The following UNC5CL variants were observed in gnomAD, a reference collection of about 807,000 sequenced individuals.
The protein encoded by UNC5CL is unc-5 family C-terminal like, also known as UNC5C-like protein.
UNC5CL carries 42 observed loss-of-function variants against 54.1 expected under a neutral mutation model. The ratio of observed to expected loss-of-function variants is 0.78; its 90% CI spans 0.61 to 1.00. UNC5CL has a LOEUF of 1.00. Ranked by LOEUF, UNC5CL falls within the 50% of genes least tolerant of loss-of-function variation. UNC5CL has a pLI of 0.00. For synonymous variants in UNC5CL, 285 were observed against 285.1 expected, an observed-to-expected ratio of 1.00 and a Z score of 0.00; for missense variants, 619 against 675.6, an observed-to-expected ratio of 0.92 and a Z score of 0.93.
rs1215195246 is a variant in UNC5CL, at chr6:41,034,017, A to C, written c.550T>G (p.Cys184Gly). ...LKPCTLTFKHCAEQPSHARTY... is the reference protein window; with the variant it reads ...LKPCTLTFKHGAEQPSHARTY... ...CGAGCATGGCTGGGCTGCTCGGCAC[A>C]GTGTTTGAACGTGAGAGTGCAAGGC... The change falls in exon 3 of 9, where the codon TGT (cysteine) becomes GGT (glycine). Residue 184 changes from cysteine to glycine, a missense_variant. Coordinates refer to ENST00000244565, the MANE Select transcript of UNC5CL (RefSeq NM_173561.3). The C allele has an allele frequency of 6.2e-7, 1 of 1,614,200 alleles. No homozygotes were observed. The highest frequency in any genetic ancestry group is 1.3e-5 in the African/African-American group (1 of 75,066).
chr6:41,034,988 T>C lies in UNC5CL; in HGVS notation c.87A>G (p.Gln29=), dbSNP rs752218992. The stretch of plus-strand genomic sequence containing the variant: ...TTCTAGGGCAGTGCCATCGAAGGCA[T>C]TGGGCCAGAAGGAGGACACTTGCCA... ...VPVASVLLLA[Q]CLRWHCPRRL... The change falls in exon 2 of 9, where the codon CAA becomes CAG. Residue 29 remains glutamine (Q), a synonymous_variant. Coordinates refer to ENST00000244565, the MANE Select transcript of UNC5CL (RefSeq NM_173561.3). 42 of 1,609,018 alleles carry C rather than the reference T, an allele frequency of 2.6e-5. No individual in the cohort carries two copies. The highest frequency in any genetic ancestry group is 3.6e-5 in the Non-Finnish European group (42 of 1,175,916).
intron 1 of UNC5CL, 78 bp from the exon 2 acceptor site, chr6:41,035,213 G>A: frequency 9.1e-7 from 1 of 1,104,774 alleles, no homozygotes; most frequent in Non-Finnish European, 1.2e-6. Context: ...ACACATAGCT[G>A]CAAGTTGTCT....
In UNC5CL at chr6:41,028,266, T is replaced by C; in HGVS notation, c.*107A>G. The C allele has an allele frequency of 8.2e-7, 1 of 1,226,866 alleles. No homozygotes were observed. Among genetic ancestry groups the C allele is most frequent in the Non-Finnish European group, 1.1e-6 (1 of 907,402 alleles). The allele number at this position is 1,226,866 out of a possible 1,614,324, so 76.0% of individuals were successfully genotyped here. ...CGGCCCTGGCACCGTCCGAGGGTTC[T>C]GGGAAGGGTGGTGGGCACAGCCAGG... On this transcript the variant is annotated 3_prime_UTR_variant, in exon 9 of 9. Coordinates refer to ENST00000244565, the MANE Select transcript of UNC5CL (RefSeq NM_173561.3). The surrounding 1 kb of genome is among the most constrained non-coding windows in gnomAD (Gnocchi z 4.3).
chr6:41,033,049 G>C lies in UNC5CL; in HGVS notation c.784C>G (p.His262Asp). ...AGGAAGTAGATACGCAGTTGCAGAT[G>C]GGACTGTCCTGGCACCAGCGGTGAG... is the stretch of plus-strand genomic sequence containing the variant. ...FCSPLVPGQSHLQLRIYFLNN... is the reference protein window; with the variant it reads ...FCSPLVPGQSDLQLRIYFLNN... The change falls in exon 4 of 9, where the codon CAT becomes GAT. Residue 262 changes from histidine to aspartate, a missense_variant. His to Asp is a moderately conservative substitution (Grantham distance 81). Transcript: ENST00000244565. 2 of 1,612,348 alleles carry C rather than the reference G, an allele frequency of 1.2e-6. No homozygotes were observed. Among genetic ancestry groups the C allele is most frequent in the Non-Finnish European group, 1.7e-6 (2 of 1,179,220 alleles).
chr6:41,030,124 C>T (rs1449317704), intron 8 of UNC5CL, among the ~76,000 whole-genome samples: 1 of 152,206 alleles, frequency 6.6e-6, no homozygotes, highest in Non-Finnish European at 1.5e-5. Flanking sequence ...ATGGCAAGCA[C>T]TCAACATGTA....
chr6:41,033,736 G>T, intron 3 of UNC5CL, 145 bp downstream of exon 3: 1 of 896,848 alleles, frequency 1.1e-6, no homozygotes, highest in Non-Finnish European at 1.7e-6. Flanking sequence ...GGACAGAGGG[G>T]CCAGAAAGAG....
intron 6 of UNC5CL, among the ~76,000 whole-genome samples, 153 bp downstream of exon 6, chr6:41,031,528 G>A (rs1021594483): frequency 3.9e-5 from 6 of 152,142 alleles, no homozygotes; most frequent in Admixed American, 3.3e-4. Flanking sequence ...GATGATCTCA[G>A]CCCCTCAAAG....
At position 41,029,662 on chromosome 6, in the gene UNC5CL, C is replaced by A. The variant is rs986305899; in HGVS notation, c.1334+726G>T. On this transcript the variant is annotated intron_variant, in intron 8 of 8. Coordinates refer to ENST00000244565, the MANE Select transcript of UNC5CL (RefSeq NM_173561.3). This position sits in a 1 kb window ranked among gnomAD's most constrained non-coding sequence, Gnocchi z 4.1. ...GACCAGCCTGGCCAACCTGGTGAAA[C>A]CCCGTCTGTACTAAAAATAAAAAAT... Among the ~76,000 whole-genome samples, 2 of 152,146 alleles carry A rather than the reference C, an allele frequency of 1.3e-5. No individual in the cohort carries two copies. Among genetic ancestry groups the A allele is most frequent in the African/African-American group, 4.8e-5 (2 of 41,416 alleles).
rs1455386765 is a variant in UNC5CL at position 41,028,502 on chromosome 6, G to C, written c.1428C>G (p.Thr476=). 3 of 1,613,734 alleles carry C rather than the reference G, an allele frequency of 1.9e-6. No homozygotes were observed. The highest frequency in any genetic ancestry group is 1.3e-5 in the African/African-American group (1 of 74,934). Residue 476 remains threonine, a synonymous_variant, in exon 9 of 9, where the codon ACC becomes ACG. Coordinates refer to ENST00000244565, the MANE Select transcript of UNC5CL (RefSeq NM_173561.3). This position sits in a 1 kb window ranked among gnomAD's most constrained non-coding sequence, Gnocchi z 4.3. ...AGGCGCAGTCTAGCCGCTCCATGAC[G>C]GTCATGAGGTAGTGCAGCTCCTGCA... ...GSLQELHYLM[T]VMERLDCASA...
chr6:41,034,665 G>A (rs372069176), intron 2 of UNC5CL, 25 bp downstream of exon 2: 62 of 1,594,200 alleles, frequency 3.9e-5, no homozygotes, highest in Admixed American at 1.3e-4. Flanking sequence ...AACTGTATGC[G>A]GAGATGAGAG....
intron 4 of UNC5CL, among the ~76,000 whole-genome samples, chr6:41,032,403 T>C (rs566881688): frequency 1.4e-4 from 21 of 152,298 alleles, no homozygotes; most frequent in African/African-American, 4.1e-4. Context: ...AAGGGCTCAG[T>C]AGACAGCAGA....
At position 41,033,015 on chromosome 6, in the gene UNC5CL, G is replaced by A. The variant is rs780549004; in HGVS notation, c.818C>T (p.Thr273Met). The change falls in exon 4 of 9, where the codon ACG (threonine) becomes ATG (methionine). Residue 273 changes from threonine (T) to methionine (M), a missense_variant. By Grantham distance (81) the Thr-to-Met change is moderately conservative. Coordinates refer to ENST00000244565, the MANE Select transcript of UNC5CL (RefSeq NM_173561.3). ...LQLRIYFLNNTPCALQWALTN... is the reference protein window; with the variant it reads ...LQLRIYFLNNMPCALQWALTN... Reference sequence around the variant, plus strand: ...CAGTGCCCACTGCAGGGCGCAGGGCGTGTTGTTGAGGAAGTAGATACGCAG... The same window carrying A: ...CAGTGCCCACTGCAGGGCGCAGGGCATGTTGTTGAGGAAGTAGATACGCAG... 22 of 1,608,404 alleles carry A rather than the reference G, an allele frequency of 1.4e-5. No individual in the cohort carries two copies. Among genetic ancestry groups the A allele is most frequent in the South Asian group, 2.2e-5 (2 of 89,994 alleles).
At position 41,030,470 on chromosome 6, in the gene UNC5CL, T is replaced by A; in HGVS notation, c.1252A>T (p.Met418Leu). 1 of 1,614,132 alleles carries A rather than the reference T, an allele frequency of 6.2e-7. No individual in the cohort carries two copies. Among genetic ancestry groups the A allele is most frequent in the Non-Finnish European group, 8.5e-7 (1 of 1,180,028 alleles). ...LPPELFEQLR[M>L]LLEPNSITGN... ...GTGATGCTGTTTGGCTCCAATAACA[T>A]CCGCAGCTGCTCAAAGAGCTCTGGG... The change falls in exon 8 of 9, where the codon ATG (methionine) becomes TTG (leucine). Residue 418 changes from methionine to leucine, a missense_variant. Coordinates refer to ENST00000244565, the MANE Select transcript of UNC5CL (RefSeq NM_173561.3).
intron 1 of UNC5CL, among the ~76,000 whole-genome samples, chr6:41,035,588 C>T (rs1378054354): frequency 6.6e-6 from 1 of 152,230 alleles, no homozygotes; most frequent in Admixed American, 6.5e-5. Context: ...CAGAGCTAAC[C>T]CTAGGCAGTG....
chr6:41,037,358 G>A (rs1762537841), intron 1 of UNC5CL, among the ~76,000 whole-genome samples: 1 of 152,206 alleles, frequency 6.6e-6, no homozygotes, highest in South Asian at 2.1e-4. Flanking sequence ...GCTGAGTTCT[G>A]TGAGGCACAA....
In UNC5CL at chr6:41,031,678, C is replaced by T. The variant is rs778885170; in HGVS notation, c.1119+3G>A. 2.5e-6 allele frequency: 4 copies of T among 1,614,150 alleles called. No homozygotes were observed. In the Admixed American group the frequency reaches 6.7e-5, roughly 27 times the overall value. ...CTTCCTCTGCCCCTCAGCTCCAACT[C>T]ACATCCTGGAAGGTGTGCATGGTGA... is the stretch of plus-strand genomic sequence containing the variant. On this transcript the variant is annotated splice_donor_region_variant and intron_variant, in intron 6 of 8. Coordinates refer to ENST00000244565, the MANE Select transcript of UNC5CL (RefSeq NM_173561.3).
rs1259717228 is a variant in UNC5CL, at chr6:41,027,516, G to C, written c.*857C>G. ...AGGGCTGGGCCAGAATGATCATCTT[G>C]AAGTTTCTACTCAGCTTTAATGTTT... On this transcript the variant is annotated 3_prime_UTR_variant, in exon 9 of 9. Coordinates refer to ENST00000244565, the MANE Select transcript of UNC5CL (RefSeq NM_173561.3). The C allele has an allele frequency of 6.6e-6, 1 of 152,260 alleles. No homozygotes were observed. The highest frequency in any genetic ancestry group is 2.4e-5 in the African/African-American group (1 of 41,452). 9.4% of individuals were successfully genotyped at this position (152,260 alleles called of 1,614,324 possible). A position where few individuals can be genotyped will look rare whatever the true frequency, so the allele number is the denominator to read the frequency against.
Position 41,034,096 on chromosome 6 carries a change from C to T in UNC5CL, c.471G>A (p.Gln157=), listed in dbSNP as rs776099429. The change falls in exon 3 of 9, where the codon CAG becomes CAA. Residue 157 remains glutamine (Q), a synonymous_variant. Transcript: ENST00000244565. ...LSDAPSLSQA[Q]GLVSPVVACG... ...ATGCCACCACAGGGCTTACCAGCCC[C>T]TGGGCTTGGGACAGCGATGGGGCGT... is the stretch of plus-strand genomic sequence containing the variant. 1.9e-6 allele frequency: 3 copies of T among 1,614,182 alleles called. No individual in the cohort carries two copies. The highest frequency in any genetic ancestry group is 2.5e-6 in the Non-Finnish European group (3 of 1,180,016).
At position 41,029,520 on chromosome 6, in the gene UNC5CL, C is replaced by T. The variant is rs1237354628; in HGVS notation, c.1334+868G>A. 6.6e-6 allele frequency among the ~76,000 whole-genome samples: 1 copy of T among 152,240 alleles called. No individual in the cohort carries two copies. The highest frequency in any genetic ancestry group is 1.9e-4 in the East Asian group (1 of 5,204). ...CTTTACTAGTGTGTGCGCTCCTAGG[C>T]GCCGGGACCATGCCTCATTCATCTT... On this transcript the variant is annotated intron_variant, in intron 8 of 8. Transcript: ENST00000244565. The surrounding 1 kb of genome is among the most constrained non-coding windows in gnomAD (Gnocchi z 4.1).
Sources: gnomAD v4.1 joint callset for allele counts (sites outside exome capture counted in the v4.1 genomes callset) on GRCh38, gnomAD v4.1.1 for gene constraint, Gnocchi (gnomAD v3.1) non-coding constraint, MANE v1.5 for transcripts, NCBI Gene and HGNC (gene_info 2026-07-23, HGNC 2026-07-21) for gene names.